INPP4A: variants seen among roughly 807,000 people sequenced by gnomAD.
INPP4A encodes the protein inositol polyphosphate-4-phosphatase type I A.
A neutral mutation model predicts 119.8 loss-of-function variants in INPP4A; 33 were observed. That is an observed-to-expected ratio of 0.28 (90% confidence interval 0.21 to 0.37). INPP4A has a LOEUF of 0.37. INPP4A is among the 10% of genes least tolerant of loss of function. The pLI is 1.00. For missense variants in INPP4A, 956 were observed against 1,289.9 expected (o/e 0.74, Z 3.97); for synonymous variants, 496 against 500.7 (o/e 0.99, Z 0.12).
intron 7 of INPP4A, among the ~76,000 whole-genome samples, chr2:98,537,399 T>G (rs1343426576): frequency 2.0e-5 from 3 of 152,224 alleles, no homozygotes; most frequent in Non-Finnish European, 2.9e-5. Context: ...CTGGCTGGAT[T>G]CCATTACTTG....
chr2:98,575,043 G>T (rs1041997156), intron 23 of INPP4A, among the ~76,000 whole-genome samples: 1 of 152,236 alleles, frequency 6.6e-6, no homozygotes, highest in African/African-American at 2.4e-5. Flanking sequence ...GGGCAGCAGT[G>T]CCAGCCACTC....
In INPP4A at chr2:98,552,983, C is replaced by T; in HGVS notation, c.1347+14C>T. On this transcript the variant is annotated intron_variant, in intron 14 of 24. Coordinates refer to ENST00000409851, the MANE Select transcript of INPP4A (RefSeq NM_001134225.2). ...TTGGCAGACAAGGTAGGAGGGGTGCCCTGCTACATATGGGCTGGGGAGTTT... is the reference window on the plus strand; with the variant it reads ...TTGGCAGACAAGGTAGGAGGGGTGCTCTGCTACATATGGGCTGGGGAGTTT... 1 of 1,597,032 alleles carries T rather than the reference C, an allele frequency of 6.3e-7. No individual in the cohort carries two copies. The highest frequency in any genetic ancestry group is 2.3e-5 in the East Asian group (1 of 44,380).
chr2:98,517,110 C>T (rs1039825700), intron 1 of INPP4A, among the ~76,000 whole-genome samples: 1 of 152,172 alleles, frequency 6.6e-6, no homozygotes, highest in African/African-American at 2.4e-5. Context: ...AGTACCCACC[C>T]CTTCAGGATA....
intron 1 of INPP4A, among the ~76,000 whole-genome samples, chr2:98,460,992 A>G (rs952106391): frequency 6.6e-6 from 1 of 152,176 alleles, no homozygotes; most frequent in African/African-American, 2.4e-5. Context: ...GGCTCTCCCT[A>G]CAGTGTGAAA....
chr2:98,514,068 CTG>C (rs1685640735), intron 1 of INPP4A, among the ~76,000 whole-genome samples: 1 of 152,216 alleles, frequency 6.6e-6, no homozygotes, highest in Non-Finnish European at 1.5e-5. Flanking sequence ...GTCTGGAACA[CTG>C]TGGTAGAGAG....
rs769896803 is a variant in INPP4A at position 98,546,717 on chromosome 2, T to C, written c.1163+23T>C. ...ACAGTAAGTAGCCAGAGAGGGTTTG[T>C]GGTCCTTGTACAGCTTTCTGATGCT... On this transcript the variant is annotated intron_variant, in intron 13 of 24. Coordinates refer to ENST00000409851, the MANE Select transcript of INPP4A (RefSeq NM_001134225.2). This position sits in a 1 kb window ranked among gnomAD's most constrained non-coding sequence, Gnocchi z 4.2. 2 of 1,413,022 alleles carry C rather than the reference T, an allele frequency of 1.4e-6. No individual in the cohort carries two copies. The highest frequency in any genetic ancestry group is 1.0e-6 in the Non-Finnish European group (1 of 996,672). The allele number at this position is 1,413,022 out of a possible 1,614,324, so 87.5% of individuals were successfully genotyped here.
intron 9 of INPP4A, 85 bp from the exon 10 acceptor site, chr2:98,539,443 C>A (rs1574983373): frequency 6.9e-7 from 1 of 1,449,336 alleles, no homozygotes; most frequent in Non-Finnish European, 9.4e-7. Context: ...GTGTCACCAT[C>A]CCTGAGGGCC....
At chr2:98,547,503 T>C (rs760551138) in intron 13 of INPP4A, among the ~76,000 whole-genome samples, 3 of 152,166 alleles carry the variant, frequency 2.0e-5, no homozygotes, top group Non-Finnish European at 4.4e-5. Context: ...GCATTGATGA[T>C]CTTCCAGAAC....
intron 1 of INPP4A, among the ~76,000 whole-genome samples, chr2:98,456,046 C>G (rs1696089695): frequency 6.6e-6 from 1 of 152,186 alleles, no homozygotes; most frequent in African/African-American, 2.4e-5. Flanking sequence ...CAGCCCTTGT[C>G]ATTTTCCCAT....
Position 98,554,761 on chromosome 2 carries a change from T to A in INPP4A, c.1566+272T>A, listed in dbSNP as rs1039112322. Among the ~76,000 whole-genome samples the A allele has an allele frequency of 2.6e-5, 4 of 152,156 alleles. No homozygotes were observed. The highest frequency in any genetic ancestry group is 5.9e-5 in the Non-Finnish European group (4 of 68,018). ...GGAAGACAAGTGGGTTTTCCTCCCG[T>A]GTTGGAGGTCTCTCCTTCCCCTGCC... On this transcript the variant is annotated intron_variant, in intron 15 of 24. Transcript: ENST00000409851. The surrounding 1 kb of genome is among the most constrained non-coding windows in gnomAD (Gnocchi z 4.7).
intron 4 of INPP4A, among the ~76,000 whole-genome samples, chr2:98,532,018 A>C (rs1431462793): frequency 6.6e-6 from 1 of 152,240 alleles, no homozygotes; most frequent in Non-Finnish European, 1.5e-5. Context: ...TGTCAGAAAA[A>C]GTGTAATTAG....
intron 4 of INPP4A, chr2:98,521,273 G>GT (rs1260956926): frequency 6.6e-6 from 1 of 152,418 alleles, no homozygotes; most frequent in Non-Finnish European, 1.5e-5. Context: ...TCAGCGATAC[G>GT]TGGCATCACT....
In INPP4A at chr2:98,519,995, T is replaced by C. The variant is rs2105730005; in HGVS notation, c.-54T>C. The C allele has an allele frequency of 7.0e-7, 1 of 1,435,018 alleles. No individual in the cohort carries two copies. The highest frequency in any genetic ancestry group is 1.2e-5 in the South Asian group (1 of 81,724). The allele number at this position is 1,435,018 out of a possible 1,614,324, so 88.9% of individuals were successfully genotyped here. On this transcript the variant is annotated 5_prime_UTR_variant, in exon 3 of 25. Transcript: ENST00000409851. ...GGGCTCGGTGCCAGCACTTCCCGGG[T>C]AATCAGGCGTGGTCTGACCGAGGAT...
chr2:98,479,887 T>TA (rs1356673829), intron 1 of INPP4A, among the ~76,000 whole-genome samples: 4 of 152,190 alleles, frequency 2.6e-5, no homozygotes, highest in Admixed American at 6.5e-5. Context: ...GCTGTGCACT[T>TA]ACCTAAAACT....
At chr2:98,478,070 C>T (rs1677626560) in intron 1 of INPP4A, among the ~76,000 whole-genome samples, 1 of 152,166 alleles carries the variant, frequency 6.6e-6, no homozygotes, top group African/African-American at 2.4e-5. Context: ...ATTTTGTAGC[C>T]TATTGAGGAA....
chr2:98,527,022 A>G (rs1382309988), intron 4 of INPP4A, among the ~76,000 whole-genome samples: 1 of 152,174 alleles, frequency 6.6e-6, no homozygotes, highest in Non-Finnish European at 1.5e-5. Context: ...AATACTGGGG[A>G]TTACCTTTCA....
At chr2:98,505,834 A>T (rs1177343114) in intron 1 of INPP4A, among the ~76,000 whole-genome samples, 1 of 152,212 alleles carries the variant, frequency 6.6e-6, no homozygotes, top group Non-Finnish European at 1.5e-5. Context: ...CATTAGAAAT[A>T]CAGAATATTC....
At chr2:98,581,086 G>A (rs965277575) in intron 24 of INPP4A, among the ~76,000 whole-genome samples, 1 of 152,184 alleles carries the variant, frequency 6.6e-6, no homozygotes, top group African/African-American at 2.4e-5. Flanking sequence ...TTGATCAAGA[G>A]GCAGCTTTGG....
At position 98,539,952 on chromosome 2, in the gene INPP4A, A is replaced by T. The variant is rs140280652; in HGVS notation, c.818+277A>T. ...TTCTCTTCTTTACTCTTTTTTTTTG[A>T]GACAGAGTCTTGCTCTGTCGCTCAG... On this transcript the variant is annotated intron_variant, in intron 10 of 24. Coordinates refer to ENST00000409851, the MANE Select transcript of INPP4A (RefSeq NM_001134225.2). Among the ~76,000 whole-genome samples the T allele has an allele frequency of 4.0e-5, 6 of 151,856 alleles. No individual in the cohort carries two copies. In the East Asian group the frequency reaches 1.2e-3, roughly 29 times the overall value.
Sources: allele counts gnomAD v4.1 joint callset (sites outside exome capture counted in the v4.1 genomes callset), GRCh38; gene constraint gnomAD v4.1.1; non-coding constraint Gnocchi (gnomAD v3.1); transcripts MANE v1.5; gene names NCBI Gene and HGNC (gene_info 2026-07-23, HGNC 2026-07-21).